ATP13A4: variants seen among roughly 807,000 people sequenced by gnomAD.
ATP13A4 encodes ATPase 13A4, also known as probable cation-transporting ATPase 13A4.
In ATP13A4, 114 loss-of-function variants were observed where a neutral mutation model predicts 142.5. The ratio of observed to expected loss-of-function variants is 0.80; its 90% CI spans 0.69 to 0.93. The LOEUF (loss-of-function observed/expected upper bound fraction) is 0.93. Among genes scored for constraint, ATP13A4 ranks in the 40% least tolerant of loss-of-function variants. ATP13A4 has a pLI of 0.00. For missense variants in ATP13A4, 1,392 were observed against 1,454.0 expected (o/e 0.96, Z 0.69); for synonymous variants, 488 against 514.8 (o/e 0.95, Z 0.70).
In ATP13A4 at chr3:193,460,282, A is replaced by G. The variant is rs374936276; in HGVS notation, c.1524-1051T>C. Among the ~76,000 whole-genome samples, 8 of 152,126 alleles carry G rather than the reference A, an allele frequency of 5.3e-5. No individual in the cohort carries two copies. In the East Asian group the frequency reaches 1.2e-3, roughly 22 times the overall value. On this transcript the variant is annotated intron_variant, in intron 13 of 29. Coordinates refer to ENST00000342695, the MANE Select transcript of ATP13A4 (RefSeq NM_032279.4). Reference sequence around the variant, plus strand: ...TCTTCTTTTTTGGAAAAGTTCCTAAATTTGTCATTGTCTGATCCTGGAGAC... The same window carrying G: ...TCTTCTTTTTTGGAAAAGTTCCTAAGTTTGTCATTGTCTGATCCTGGAGAC...
At chr3:193,568,042 C>T (rs754187518) in intron 2 of ATP13A4, among the ~76,000 whole-genome samples, 3 of 152,076 alleles carry the variant, frequency 2.0e-5, no homozygotes, top group Admixed American at 6.5e-5. Flanking sequence ...TCACTGCAAC[C>T]TCCGTCTCCC....
rs1456449017 is a variant in ATP13A4 at position 193,467,502 on chromosome 3, A to G, written c.944-16T>C. ...ATACTTTCTCCTACAGAAAACAAGCATCTTGTTTTGTGAGGCAGGATGGCT... is the reference window on the plus strand; with the variant it reads ...ATACTTTCTCCTACAGAAAACAAGCGTCTTGTTTTGTGAGGCAGGATGGCT... On this transcript the variant is annotated splice_polypyrimidine_tract_variant and intron_variant, in intron 9 of 29. Transcript: ENST00000342695. 1 of 1,611,410 alleles carries G rather than the reference A, an allele frequency of 6.2e-7. No individual in the cohort carries two copies. The highest frequency in any genetic ancestry group is 1.3e-5 in the African/African-American group (1 of 74,944).
intron 1 of ATP13A4, among the ~76,000 whole-genome samples, chr3:193,583,634 T>G (rs79505688): frequency 1.6e-3 from 225 of 143,150 alleles, no homozygotes; most frequent in Non-Finnish European, 2.9e-3. Context: ...GAAGATTGTA[T>G]CTTTGAATTT....
chr3:193,422,389 T>A (rs1319727143), intron 25 of ATP13A4, among the ~76,000 whole-genome samples: 1 of 149,764 alleles, frequency 6.7e-6, no homozygotes, highest in Non-Finnish European at 1.5e-5. Context: ...CTAACAGACA[T>A]ATACAAAACT....
intron 10 of ATP13A4, among the ~76,000 whole-genome samples, chr3:193,466,839 G>A (rs1269404882): frequency 6.6e-6 from 1 of 152,054 alleles, no homozygotes; most frequent in African/African-American, 2.4e-5. Context: ...TTTACTAACA[G>A]GCATATGCCA....
chr3:193,462,400 A>G (rs907188648), intron 13 of ATP13A4, among the ~76,000 whole-genome samples: 5 of 152,140 alleles, frequency 3.3e-5, no homozygotes, highest in African/African-American at 1.2e-4. Context: ...AAGAGGCTTC[A>G]GCTTGAACAA....
intron 18 of ATP13A4, 22 bp downstream of exon 18, chr3:193,448,184 C>T (rs1160171195): frequency 1.9e-6 from 3 of 1,613,246 alleles, no homozygotes; most frequent in African/African-American, 2.7e-5. Context: ...TTACTGTTTT[C>T]ACTGTATACT....
chr3:193,424,128 G>T (rs1224120078), intron 25 of ATP13A4, among the ~76,000 whole-genome samples: 1 of 148,108 alleles, frequency 6.8e-6, no homozygotes, highest in Non-Finnish European at 1.5e-5. Flanking sequence ...AACCAAGGAG[G>T]TGAAAAATCT....
chr3:193,545,495 G>A (rs572815534), intron 1 of ATP13A4, among the ~76,000 whole-genome samples: 2 of 152,286 alleles, frequency 1.3e-5, no homozygotes, highest in East Asian at 3.9e-4. Context: ...ATGGTATTCT[G>A]AGCTGCCTTT....
chr3:193,479,430 C>A (rs1719161882), intron 8 of ATP13A4, among the ~76,000 whole-genome samples: 1 of 152,070 alleles, frequency 6.6e-6, no homozygotes, highest in Admixed American at 6.6e-5. Flanking sequence ...TTTCAGGATA[C>A]AAAATTAATG....
chr3:193,572,444 T>C (rs895959382), intron 2 of ATP13A4, among the ~76,000 whole-genome samples: 13 of 152,358 alleles, frequency 8.5e-5, no homozygotes, highest in Non-Finnish European at 1.6e-4. Context: ...GTTTATTAAT[T>C]TGTTAAAATA....
At position 193,491,374 on chromosome 3, in the gene ATP13A4, A is replaced by G; in HGVS notation, c.558T>C (p.Thr186=). The stretch of plus-strand genomic sequence containing the variant: ...AAATTGGTGTAACTTCAACATCGAT[A>G]GTATTAGGCCCACATATTAACCTCC... The part of the protein sequence containing the change: ...EIRRLICGPN[T]IDVEVTPIWK... The change falls in exon 6 of 30, where the codon ACT becomes ACC. Residue 186 remains threonine (T), a synonymous_variant. Coordinates refer to ENST00000342695, the MANE Select transcript of ATP13A4 (RefSeq NM_032279.4). 1 of 1,599,960 alleles carries G rather than the reference A, an allele frequency of 6.3e-7. No individual in the cohort carries two copies.
At chr3:193,498,234 T>C (rs999243493) in intron 3 of ATP13A4, among the ~76,000 whole-genome samples, 4 of 151,690 alleles carry the variant, frequency 2.6e-5, no homozygotes, top group African/African-American at 9.7e-5. Flanking sequence ...TTAAAAATCC[T>C]GGTAGCCAGA....
chr3:193,468,286 A>G (rs972584529), intron 9 of ATP13A4, among the ~76,000 whole-genome samples: 3 of 152,230 alleles, frequency 2.0e-5, no homozygotes, highest in African/African-American at 7.2e-5. Flanking sequence ...ATTTATGTAT[A>G]AGAGAGAGCA....
intron 17 of ATP13A4, among the ~76,000 whole-genome samples, chr3:193,449,111 T>C (rs1326280962): frequency 6.6e-6 from 1 of 152,214 alleles, no homozygotes; most frequent in East Asian, 1.9e-4. Flanking sequence ...CAGGTAAAGC[T>C]CATCCCTTTC....
intron 1 of ATP13A4, among the ~76,000 whole-genome samples, chr3:193,588,124 C>T (rs180745142): frequency 1.0e-3 from 158 of 152,206 alleles, no homozygotes; most frequent in African/African-American, 3.4e-3. Flanking sequence ...CAGAGCAAGA[C>T]GCTGTCTCAA....
intron 1 of ATP13A4, 167 bp downstream of exon 1, chr3:193,554,573 G>T (rs1723783711): frequency 1.2e-6 from 1 of 811,766 alleles, no homozygotes; most frequent in East Asian, 2.5e-5. Flanking sequence ...TTACAGGATA[G>T]AGAGATTTCT....
At chr3:193,482,725 C>A (rs1719364465) in intron 8 of ATP13A4, among the ~76,000 whole-genome samples, 1 of 152,086 alleles carries the variant, frequency 6.6e-6, no homozygotes, top group African/African-American at 2.4e-5. Context: ...CCAAAGTGGC[C>A]AAAATTAAAA....
chr3:193,487,798 T>C (rs941809934), intron 7 of ATP13A4, among the ~76,000 whole-genome samples: 1 of 152,160 alleles, frequency 6.6e-6, no homozygotes, highest in Non-Finnish European at 1.5e-5. Context: ...TATGTATATA[T>C]AGATGCATGA....
Sources: gnomAD v4.1 joint callset for allele counts (sites outside exome capture counted in the v4.1 genomes callset) on GRCh38, gnomAD v4.1.1 for gene constraint, MANE v1.5 for transcripts, NCBI Gene and HGNC (gene_info 2026-07-23, HGNC 2026-07-21) for gene names.